AOPEP: variants seen among roughly 807,000 people sequenced by gnomAD.
The protein encoded by AOPEP is aminopeptidase O.
Under a neutral mutation model 98.1 loss-of-function variants are expected in AOPEP, and 77 were observed. The observed-to-expected ratio is 0.78, with a 90% CI of 0.65 to 0.95. AOPEP has a LOEUF of 0.95. AOPEP is among the 40% of genes least tolerant of loss of function. AOPEP has a pLI of 0.00. For synonymous variants in AOPEP, 346 were observed against 365.3 expected (o/e 0.95, Z 0.60); for missense variants, 1,024 against 1,024.7 (o/e 1.00, Z 0.01).
chr9:94,757,449 A>G (rs879380351), intron 1 of AOPEP, among the ~76,000 whole-genome samples: 2 of 152,228 alleles, frequency 1.3e-5, no homozygotes, highest in Non-Finnish European at 2.9e-5. Flanking sequence ...GCCACTGGAA[A>G]GCCAGCCATG....
chr9:94,932,787 A>T, intron 7 of AOPEP: 1 of 985,272 alleles, frequency 1.0e-6, no homozygotes, highest in Non-Finnish European at 1.2e-6. Context: ...CCCAGCCCAG[A>T]TGTTTCTTAG....
intron 7 of AOPEP, among the ~76,000 whole-genome samples, chr9:94,940,718 G>A (rs974348853): frequency 6.6e-6 from 1 of 152,162 alleles, no homozygotes; most frequent in African/African-American, 2.4e-5. Flanking sequence ...CTTGGAAAAG[G>A]TTTGTCCAAC....
chr9:94,912,878 C>T (rs984506888), intron 5 of AOPEP, among the ~76,000 whole-genome samples: 4 of 152,204 alleles, frequency 2.6e-5, no homozygotes, highest in Admixed American at 6.5e-5. Flanking sequence ...CTCCAGCTCC[C>T]GCTGCACTGC....
At chr9:94,847,885 G>A (rs947854899) in intron 5 of AOPEP, among the ~76,000 whole-genome samples, 1 of 152,186 alleles carries the variant, frequency 6.6e-6, no homozygotes, top group African/African-American at 2.4e-5. Flanking sequence ...TTTAAATGGT[G>A]TTCTTGAATT....
intron 7 of AOPEP, chr9:94,931,705 G>A (rs1564401625): frequency 2.6e-6 from 4 of 1,539,608 alleles, no homozygotes; most frequent in Non-Finnish European, 3.5e-6. Context: ...CTCGCTTTAT[G>A]TCTTGATAGG....
chr9:94,813,145 G>T (rs1274321930), intron 5 of AOPEP, among the ~76,000 whole-genome samples: 1 of 152,170 alleles, frequency 6.6e-6, no homozygotes, highest in Non-Finnish European at 1.5e-5. Flanking sequence ...TATAGAGTCT[G>T]CTGTGGCATT....
intron 1 of AOPEP, among the ~76,000 whole-genome samples, chr9:94,733,355 G>C (rs1475280421): frequency 6.6e-6 from 1 of 152,126 alleles, no homozygotes. Context: ...TGATCCACCT[G>C]CCTTGACCTT....
At chr9:94,807,794 A>G (rs1161410264) in intron 5 of AOPEP, among the ~76,000 whole-genome samples, 1 of 152,232 alleles carries the variant, frequency 6.6e-6, no homozygotes, top group African/African-American at 2.4e-5. Flanking sequence ...GCATGTGGTC[A>G]TGGAGCTATG....
At chr9:94,850,277 A>C (rs2043389308) in intron 5 of AOPEP, among the ~76,000 whole-genome samples, 1 of 148,282 alleles carries the variant, frequency 6.7e-6, no homozygotes, top group Non-Finnish European at 1.5e-5. Flanking sequence ...ATTAATATGC[A>C]AAAAAATGAA....
Position 94,924,989 on chromosome 9 carries a change from TTTG to T in AOPEP, c.1554+833_1554+835del, listed in dbSNP as rs371170350. 7.3e-4 allele frequency among the ~76,000 whole-genome samples: 111 copies of T among 152,082 alleles called. 1 individual carries two copies. The highest frequency in any genetic ancestry group is 2.3e-3 in the African/African-American group (95 of 41,478). ...TCGTGCTTACTTTCAAGTTCCTATT[TTTG>T]TTGTTGTTGTTGTTGTTGAGACGGA... On this transcript the variant is annotated intron_variant, in intron 6 of 16. Coordinates refer to ENST00000375315, the MANE Select transcript of AOPEP (RefSeq NM_001193329.3).
the AOPEP span, chr9:95,117,504 C>G: frequency 3.9e-6 from 3 of 763,930 alleles, no homozygotes; most frequent in Non-Finnish European, 6.9e-6. Context: ...CTAACATGGT[C>G]AGAACACTTT....
At chr9:94,767,588 C>T (rs988559597) in intron 2 of AOPEP, among the ~76,000 whole-genome samples, 10 of 152,300 alleles carry the variant, frequency 6.6e-5, no homozygotes, top group South Asian at 4.1e-4. Flanking sequence ...ATCTGTAAAA[C>T]GAGAAGATTC....
chr9:95,047,867 T>C (rs2065983039), intron 13 of AOPEP, among the ~76,000 whole-genome samples: 1 of 152,220 alleles, frequency 6.6e-6, no homozygotes, highest in African/African-American at 2.4e-5. Context: ...AGAAAACTTA[T>C]CTCTGGCATT....
chr9:95,085,348 A>AC, intron 16 of AOPEP: 1 of 486,408 alleles, frequency 2.1e-6, no homozygotes, highest in Non-Finnish European at 4.3e-6. Context: ...AGATTGGAGA[A>AC]CAGGTGCATC....
chr9:95,032,146 C>G (rs1441804604), intron 13 of AOPEP, among the ~76,000 whole-genome samples: 1 of 152,240 alleles, frequency 6.6e-6, no homozygotes, highest in Non-Finnish European at 1.5e-5. Context: ...AGCCTGCAAA[C>G]ACACTTTATC....
intron 5 of AOPEP, among the ~76,000 whole-genome samples, chr9:94,861,583 C>A (rs1207250553): frequency 6.6e-6 from 1 of 152,212 alleles, no homozygotes; most frequent in East Asian, 1.9e-4. Flanking sequence ...CTGGCCTGTG[C>A]TTTCCTGCTC....
intron 2 of AOPEP, among the ~76,000 whole-genome samples, chr9:94,765,460 T>TAATA (rs1196514066): frequency 2.0e-5 from 3 of 146,374 alleles, no homozygotes; most frequent in African/African-American, 7.4e-5. Context: ...ATAATAATAA[T>TAATA]AATAATAATA....
chr9:95,124,095 C>T, the AOPEP span, among the ~76,000 whole-genome samples: 8 of 66,212 alleles, frequency 1.2e-4, no homozygotes, highest in East Asian at 3.9e-3. Context: ...CAGAGTAAAA[C>T]CTTGTCTCAA....
chr9:94,780,282 A>G (rs1315527040), intron 3 of AOPEP, among the ~76,000 whole-genome samples: 2 of 152,238 alleles, frequency 1.3e-5, no homozygotes, highest in Non-Finnish European at 2.9e-5. Flanking sequence ...CTATTTGAAG[A>G]TTATTATCAA....
Sources: allele counts gnomAD v4.1 joint callset (sites outside exome capture counted in the v4.1 genomes callset), GRCh38; gene constraint gnomAD v4.1.1; transcripts MANE v1.5; gene names NCBI Gene and HGNC (gene_info 2026-07-23, HGNC 2026-07-21).